Variants in IL23R observed in about 807,000 individuals in gnomAD.
The protein encoded by IL23R is interleukin 23 receptor.
IL23R carries 34 observed loss-of-function variants against 56.9 expected under a neutral mutation model. The ratio of observed to expected loss-of-function variants is 0.60; its 90% CI spans 0.45 to 0.80. IL23R has a LOEUF of 0.80. Ranked by LOEUF, IL23R falls within the 30% of genes least tolerant of loss-of-function variation. IL23R has a pLI of 0.00. For missense variants in IL23R, 635 were observed against 730.0 expected (o/e 0.87, Z 1.50); for synonymous variants, 230 against 249.2 (o/e 0.92, Z 0.73).
At chr1:67,192,765 A>G (rs528177631) in intron 4 of IL23R, among the ~76,000 whole-genome samples, 45 of 152,154 alleles carry the variant, frequency 3.0e-4, no homozygotes, top group Non-Finnish European at 5.3e-4. Context: ...TTCCGGCTCT[A>G]TCTTTTAAAA....
chr1:67,223,953 G>A (rs1650457084), intron 7 of IL23R, among the ~76,000 whole-genome samples: 1 of 151,438 alleles, frequency 6.6e-6, no homozygotes, highest in Non-Finnish European at 1.5e-5. Flanking sequence ...AGATGCTGAT[G>A]TATGTTGTCG....
chr1:67,220,885 C>G (rs766656978), intron 7 of IL23R, among the ~76,000 whole-genome samples: 1 of 152,182 alleles, frequency 6.6e-6, no homozygotes, highest in African/African-American at 2.4e-5. Context: ...ACTACAGATG[C>G]GGTCCACCAT....
chr1:67,233,970 TGTGA>T (rs377730748), intron 7 of IL23R, among the ~76,000 whole-genome samples: 4 of 142,110 alleles, frequency 2.8e-5, no homozygotes, highest in Admixed American at 1.4e-4. Context: ...TGTGTGTGTG[TGTGA>T]GATTCTGTGT....
chr1:67,198,457 T>C (rs1648341880), intron 4 of IL23R, among the ~76,000 whole-genome samples: 1 of 152,246 alleles, frequency 6.6e-6, no homozygotes, highest in Non-Finnish European at 1.5e-5. Context: ...ACCAAGTTTA[T>C]TGGGCTACTT....
chr1:67,169,326 T>C lies in IL23R; in HGVS notation c.71-16T>C. The C allele has an allele frequency of 1.3e-6, 2 of 1,580,722 alleles. No homozygotes were observed. The highest frequency in any genetic ancestry group is 1.7e-6 in the Non-Finnish European group (2 of 1,154,188). On this transcript the variant is annotated splice_polypyrimidine_tract_variant and intron_variant, in intron 2 of 10. Coordinates refer to ENST00000347310, the MANE Select transcript of IL23R (RefSeq NM_144701.3). ...ATGTTTTACGTGTAATTTATTATTT[T>C]TCCATTTATTTCTAGGAATTACAAA...
In IL23R at chr1:67,259,524, C is replaced by T. The variant is rs78691454; in HGVS notation, c.*396C>T. On this transcript the variant is annotated 3_prime_UTR_variant, in exon 11 of 11. Coordinates refer to ENST00000347310, the MANE Select transcript of IL23R (RefSeq NM_144701.3). ...AGGCACAAAAACAGCATTATGTGGA[C>T]GCCTCATGTATTTTTTATAGAGTCA... is the stretch of plus-strand genomic sequence containing the variant. 7.0e-3 allele frequency: 1,694 copies of T among 240,614 alleles called. 11 individuals are homozygous for T. Among genetic ancestry groups the T allele is most frequent in the Middle Eastern group, 0.016 (10 of 616 alleles). 14.9% of individuals were successfully genotyped at this position (240,614 alleles called of 1,614,324 possible). A position where few individuals can be genotyped will look rare whatever the true frequency, so the allele number is the denominator to read the frequency against.
At chr1:67,169,789 G>A in intron 3 of IL23R, 151 bp downstream of exon 3, 1 of 767,904 alleles carries the variant, frequency 1.3e-6, no homozygotes. Context: ...ATGTCTCCAG[G>A]GCCAGGTTGG....
intron 3 of IL23R, among the ~76,000 whole-genome samples, chr1:67,178,522 A>T (rs1436509328): frequency 1.3e-5 from 2 of 152,230 alleles, no homozygotes; most frequent in African/African-American, 2.4e-5. Context: ...TTTTGGGCTG[A>T]GACGATGGGG....
intron 1 of IL23R, among the ~76,000 whole-genome samples, chr1:67,143,578 GA>G (rs1400741614): frequency 1.3e-5 from 2 of 152,186 alleles, no homozygotes; most frequent in Non-Finnish European, 2.9e-5. Flanking sequence ...GAGGAGGCTG[GA>G]GTGCTTTTAT....
At chr1:67,162,222 T>C (rs1282964582), upstream of IL23R, among the ~76,000 whole-genome samples, 1 of 151,614 alleles carries the variant, frequency 6.6e-6, no homozygotes, top group Non-Finnish European at 1.5e-5. Context: ...TCCCAGCACT[T>C]TGGGAGGCCG....
chr1:67,206,937 G>C lies in IL23R; in HGVS notation c.680G>C (p.Arg227Thr). 1.3e-6 allele frequency: 2 copies of C among 1,483,972 alleles called. No individual in the cohort carries two copies. The highest frequency in any genetic ancestry group is 1.8e-6 in the Non-Finnish European group (2 of 1,085,424). 91.9% of individuals were successfully genotyped at this position (1,483,972 alleles called of 1,614,324 possible). A position where few individuals can be genotyped will look rare whatever the true frequency, so the allele number is the denominator to read the frequency against. Residue 227 changes from arginine (R) to threonine (T), a missense_variant, in exon 6 of 11, where the codon AGG (arginine) becomes ACG (threonine). Coordinates refer to ENST00000347310, the MANE Select transcript of IL23R (RefSeq NM_144701.3). ...IVIPSAAVIS[R>T]AETINATVPK... Reference sequence around the variant, plus strand: ...ATACCTTCTGCAGCCGTCATTTCCAGGGCTGAGACTATAAATGCTACAGTG... The same window carrying C: ...ATACCTTCTGCAGCCGTCATTTCCACGGCTGAGACTATAAATGCTACAGTG...
At chr1:67,238,312 C>T (rs1651618991) in intron 8 of IL23R, among the ~76,000 whole-genome samples, 1 of 146,274 alleles carries the variant, frequency 6.8e-6, no homozygotes, top group East Asian at 2.0e-4. Flanking sequence ...GCATTCCCGC[C>T]TGGGCAACAG....
intron 9 of IL23R, among the ~76,000 whole-genome samples, chr1:67,246,701 T>C (rs1477715939): frequency 2.0e-5 from 3 of 152,220 alleles, no homozygotes; most frequent in African/African-American, 7.2e-5. Context: ...TTCCATTCTT[T>C]TGCATTTGCT....
At chr1:67,220,182 G>A (rs12063118) in intron 7 of IL23R, among the ~76,000 whole-genome samples, 13,451 of 151,664 alleles carry the variant, frequency 0.089, 714 homozygotes, top group Non-Finnish European at 0.11. Context: ...CTCCTCGGCC[G>A]ACATGGTGAA....
chr1:67,227,100 T>C (rs1316345374), intron 7 of IL23R, among the ~76,000 whole-genome samples: 1 of 152,242 alleles, frequency 6.6e-6, no homozygotes, highest in Admixed American at 6.5e-5. Flanking sequence ...ACTGTTATCC[T>C]GGGGTCTTTC....
Position 67,258,644 on chromosome 1 carries a change from T to A in IL23R, c.1406T>A (p.Phe469Tyr). 6.2e-7 allele frequency: 1 copy of A among 1,613,946 alleles called. No individual in the cohort carries two copies. Among genetic ancestry groups the A allele is most frequent in the Non-Finnish European group, 8.5e-7 (1 of 1,179,948 alleles). Residue 469 changes from phenylalanine to tyrosine, a missense_variant, in exon 11 of 11, where the codon TTC (phenylalanine) becomes TAC (tyrosine). By Grantham distance (22) the Phe-to-Tyr change is conservative. Coordinates refer to ENST00000347310, the MANE Select transcript of IL23R (RefSeq NM_144701.3). ...ETRDYPQNSL[F>Y]DNTTVVYIPD... ...AGAGACTACCCGCAAAACTCGCTAT[T>A]CGACAATACTACAGTTGTATATATT...
At chr1:67,248,677 G>A (rs1050365377) in intron 9 of IL23R, among the ~76,000 whole-genome samples, 1 of 152,094 alleles carries the variant, frequency 6.6e-6, no homozygotes, top group Admixed American at 6.5e-5. Context: ...GTGATCCTTT[G>A]GAGGGGAAGA....
chr1:67,233,195 C>CAAA lies in IL23R; in HGVS notation c.956-3496_956-3494dup, dbSNP rs34125353. 1.9e-3 allele frequency among the ~76,000 whole-genome samples: 104 copies of CAAA among 53,598 alleles called. 1 individual carries two copies. Among genetic ancestry groups the CAAA allele is most frequent in the Admixed American group, 5.9e-3 (20 of 3,396 alleles). The allele number at this position is 53,598 out of a possible 152,430, so 35.2% of individuals were successfully genotyped here. ...GAAATCCTGTCTCTACTAAAAATTC[C>CAAA]AAAAAAAAAAAAAAAAAAAAAAAAG... On this transcript the variant is annotated intron_variant, in intron 7 of 10. Transcript: ENST00000347310.
chr1:67,238,428 G>A (rs1558259653), intron 8 of IL23R, among the ~76,000 whole-genome samples: 1 of 151,866 alleles, frequency 6.6e-6, no homozygotes, highest in Non-Finnish European at 1.5e-5. Flanking sequence ...TCAATTGCAA[G>A]CCAAGTGCTT....
Sources: allele counts gnomAD v4.1 joint callset (sites outside exome capture counted in the v4.1 genomes callset), GRCh38; gene constraint gnomAD v4.1.1; transcripts MANE v1.5; gene names NCBI Gene and HGNC (gene_info 2026-07-23, HGNC 2026-07-21).